Variants in SYT14 observed in about 807,000 individuals in gnomAD.
SYT14 encodes the protein synaptotagmin 14, also known as synaptotagmin-14.
A neutral mutation model predicts 74.2 loss-of-function variants in SYT14; 32 were observed. The observed-to-expected ratio is 0.43, with a 90% CI of 0.33 to 0.58. SYT14 has a LOEUF of 0.58. SYT14 is among the 20% of genes least tolerant of loss of function. The probability of loss-of-function intolerance (pLI) is 0.05; values close to 1 mark genes in which losing one functional copy is unlikely to be tolerated. For synonymous variants in SYT14, 298 were observed against 337.7 expected (o/e 0.88, Z 1.29); for missense variants, 791 against 981.8 (o/e 0.81, Z 2.60).
At chr1:210,156,683 CTTTTTTTTTTT>C (rs71146208) in intron 8 of SYT14, among the ~76,000 whole-genome samples, 4 of 55,996 alleles carry the variant, frequency 7.1e-5, no homozygotes, top group Admixed American at 2.6e-4. Context: ...GTGGCAGCTT[CTTTTTTTTTTT>C]TTTTTTTTTT....
At chr1:209,981,790 G>A (rs1358361634) in intron 2 of SYT14, among the ~76,000 whole-genome samples, 1 of 151,968 alleles carries the variant, frequency 6.6e-6, no homozygotes, top group African/African-American at 2.4e-5. Context: ...CTGAAAATAG[G>A]CCCTTATTCT....
intron 5 of SYT14, among the ~76,000 whole-genome samples, chr1:210,050,266 G>A (rs1457917443): frequency 3.9e-5 from 6 of 152,124 alleles, no homozygotes; most frequent in Non-Finnish European, 5.9e-5. Flanking sequence ...GCAAGATGCC[G>A]CCAGTCTCTT....
At chr1:210,072,712 T>C (rs1297671792) in intron 5 of SYT14, among the ~76,000 whole-genome samples, 1 of 152,044 alleles carries the variant, frequency 6.6e-6, no homozygotes, top group Non-Finnish European at 1.5e-5. Flanking sequence ...AGACTTTTCC[T>C]TGTAGGTTCT....
At chr1:209,955,038 G>A (rs1464820698) in intron 2 of SYT14, among the ~76,000 whole-genome samples, 1 of 152,046 alleles carries the variant, frequency 6.6e-6, no homozygotes, top group Non-Finnish European at 1.5e-5. Context: ...CTCTTTGACT[G>A]TTTCTGTCTC....
intron 7 of SYT14, among the ~76,000 whole-genome samples, chr1:210,108,564 G>A (rs1215584485): frequency 6.6e-6 from 1 of 152,000 alleles, no homozygotes; most frequent in Non-Finnish European, 1.5e-5. Flanking sequence ...GAGGGTTTAG[G>A]GAGAATGTTT....
At chr1:210,136,456 C>A (rs1291580815) in intron 7 of SYT14, among the ~76,000 whole-genome samples, 1 of 151,994 alleles carries the variant, frequency 6.6e-6, no homozygotes, top group African/African-American at 2.4e-5. Flanking sequence ...GTAAGTATAG[C>A]CAGATGATGG....
intron 5 of SYT14, among the ~76,000 whole-genome samples, chr1:210,059,499 A>T (rs1485980639): frequency 1.5e-5 from 2 of 132,642 alleles, no homozygotes; most frequent in African/African-American, 6.1e-5. Context: ...CATGAATAGG[A>T]TTACATTAAC....
At chr1:209,938,406 C>A in intron 1 of SYT14, 129 bp downstream of exon 1, 1 of 876,432 alleles carries the variant, frequency 1.1e-6, no homozygotes, top group Non-Finnish European at 1.6e-6. Flanking sequence ...TGAAGACGCG[C>A]GGGGGTCCTG....
chr1:210,090,973 G>T (rs2081855742), intron 5 of SYT14, among the ~76,000 whole-genome samples: 1 of 152,076 alleles, frequency 6.6e-6, no homozygotes, highest in Non-Finnish European at 1.5e-5. Context: ...AAGATAAAAG[G>T]GGGTGGTAAT....
At chr1:210,107,026 C>T (rs1373608700) in intron 7 of SYT14, among the ~76,000 whole-genome samples, 1 of 152,104 alleles carries the variant, frequency 6.6e-6, no homozygotes, top group Non-Finnish European at 1.5e-5. Context: ...AGAAATTGGC[C>T]AAAACAAAGG....
At chr1:210,072,122 GTTAA>G (rs1399387843) in intron 5 of SYT14, among the ~76,000 whole-genome samples, 2 of 125,220 alleles carry the variant, frequency 1.6e-5, no homozygotes, top group East Asian at 4.8e-4. Context: ...TGATTAGCTG[GTTAA>G]TTAAAGATAT....
At chr1:210,152,608 G>A (rs2083188071) in intron 7 of SYT14, among the ~76,000 whole-genome samples, 1 of 152,030 alleles carries the variant, frequency 6.6e-6, no homozygotes, top group African/African-American at 2.4e-5. Flanking sequence ...ATGCAAGTGT[G>A]CAACCCATTT....
chr1:210,036,374 CAAATGGAGAT>C (rs912135896), intron 5 of SYT14, among the ~76,000 whole-genome samples: 6 of 151,904 alleles, frequency 3.9e-5, no homozygotes, highest in African/African-American at 1.4e-4. Context: ...ATATCATCAG[CAAATGGAGAT>C]AATTTGACTT....
At chr1:209,946,086 G>A (rs962978702) in intron 1 of SYT14, among the ~76,000 whole-genome samples, 7 of 152,316 alleles carry the variant, frequency 4.6e-5, no homozygotes, top group Admixed American at 1.3e-4. Flanking sequence ...GCCAATATAA[G>A]ATGGCAAACT....
chr1:210,140,265 T>A (rs1476473303), intron 7 of SYT14, among the ~76,000 whole-genome samples: 1 of 152,190 alleles, frequency 6.6e-6, no homozygotes, highest in African/African-American at 2.4e-5. Context: ...CTTCTTTGGA[T>A]AAATTTCTAT....
intron 1 of SYT14, among the ~76,000 whole-genome samples, chr1:209,944,159 A>T (rs2078783567): frequency 6.6e-6 from 1 of 152,232 alleles, no homozygotes; most frequent in Non-Finnish European, 1.5e-5. Flanking sequence ...AATGCATATT[A>T]GTAGCTTTAA....
intron 7 of SYT14, among the ~76,000 whole-genome samples, chr1:210,137,247 C>T (rs2082806276): frequency 6.6e-6 from 1 of 152,162 alleles, no homozygotes; most frequent in African/African-American, 2.4e-5. Flanking sequence ...ACTCGTAGGA[C>T]ACAGCCTCCT....
intron 5 of SYT14, among the ~76,000 whole-genome samples, chr1:210,073,402 A>G (rs184528003): frequency 2.6e-5 from 4 of 152,180 alleles, no homozygotes; most frequent in African/African-American, 9.6e-5. Context: ...CTACTATTTC[A>G]ACCATCTATT....
intron 7 of SYT14, among the ~76,000 whole-genome samples, chr1:210,153,323 A>G (rs575235448): frequency 2.0e-5 from 3 of 152,270 alleles, no homozygotes; most frequent in Non-Finnish European, 4.4e-5. Context: ...ATTACTAATG[A>G]AGTCAAACAA....
Sources: allele counts gnomAD v4.1 joint callset (sites outside exome capture counted in the v4.1 genomes callset), GRCh38; gene constraint gnomAD v4.1.1; transcripts MANE v1.5; gene names NCBI Gene and HGNC (gene_info 2026-07-23, HGNC 2026-07-21).